ANO10: variants seen among roughly 807,000 people sequenced by gnomAD.
ANO10 encodes anoctamin-10.
ANO10 carries 77 observed loss-of-function variants against 74.7 expected under a neutral mutation model. That is an observed-to-expected ratio of 1.03 (90% CI 0.86 to 1.25). The LOEUF (loss-of-function observed/expected upper bound fraction) is 1.25. Among genes scored for constraint, ANO10 ranks in the 50% most tolerant of loss-of-function variants. The probability of loss-of-function intolerance (pLI) is 0.00; values close to 1 mark genes in which losing one functional copy is unlikely to be tolerated. For synonymous variants in ANO10, 279 were observed against 284.9 expected (o/e 0.98, Z 0.21); for missense variants, 721 against 778.1 (o/e 0.93, Z 0.87).
chr3:43,605,606 T>A, intron 2 of ANO10, 108 bp downstream of exon 2: 2 of 1,430,988 alleles, frequency 1.4e-6, no homozygotes, highest in Non-Finnish European at 1.9e-6. Flanking sequence ...ACGAAAATTA[T>A]AAAACACATT....
intron 11 of ANO10, among the ~76,000 whole-genome samples, chr3:43,504,462 T>C (rs540667183): frequency 6.6e-6 from 1 of 152,060 alleles, no homozygotes; most frequent in African/African-American, 2.4e-5. Flanking sequence ...TAAATAACAA[T>C]TACGAAACAG....
chr3:43,369,252 G>A (rs540937411), intron 12 of ANO10, among the ~76,000 whole-genome samples: 10 of 152,354 alleles, frequency 6.6e-5, no homozygotes, highest in East Asian at 1.9e-4. Flanking sequence ...GAAGGAACTC[G>A]GAACCCACTT....
intron 11 of ANO10, among the ~76,000 whole-genome samples, chr3:43,529,126 T>C (rs2078340928): frequency 6.6e-6 from 1 of 152,154 alleles, no homozygotes; most frequent in Admixed American, 6.5e-5. Flanking sequence ...TATTAAACAC[T>C]TGGTCCTCCA....
intron 12 of ANO10, among the ~76,000 whole-genome samples, chr3:43,422,372 C>T (rs2092833226): frequency 6.6e-6 from 1 of 152,242 alleles, no homozygotes; most frequent in South Asian, 2.1e-4. Context: ...GCCTCAGCCT[C>T]CCAAAGTGCT....
intron 1 of ANO10, among the ~76,000 whole-genome samples, chr3:43,633,104 T>C (rs1188151441): frequency 6.6e-6 from 1 of 152,134 alleles, no homozygotes; most frequent in Non-Finnish European, 1.5e-5. Context: ...TATTTTGAAA[T>C]AAAAAACGTA....
chr3:43,387,060 T>C (rs1029716931), intron 12 of ANO10, among the ~76,000 whole-genome samples: 1 of 152,216 alleles, frequency 6.6e-6, no homozygotes, highest in African/African-American at 2.4e-5. Flanking sequence ...TCAGGCAATT[T>C]TGTTGCACTG....
chr3:43,545,838 A>G (rs2079167253), intron 11 of ANO10, among the ~76,000 whole-genome samples: 2 of 151,844 alleles, frequency 1.3e-5, no homozygotes, highest in Admixed American at 1.3e-4. Flanking sequence ...ATCACCTCAC[A>G]TAGTTACCTT....
chr3:43,417,880 T>C (rs941544339), intron 12 of ANO10, among the ~76,000 whole-genome samples: 1 of 152,220 alleles, frequency 6.6e-6, no homozygotes, highest in Non-Finnish European at 1.5e-5. Context: ...TCTAAGCTTA[T>C]AGTCTATGGT....
chr3:43,449,794 T>C (rs932362756), intron 11 of ANO10, among the ~76,000 whole-genome samples: 2 of 152,202 alleles, frequency 1.3e-5, no homozygotes, highest in African/African-American at 2.4e-5. Flanking sequence ...ACATAAACAA[T>C]AGAATCAGTC....
Position 43,576,762 on chromosome 3 carries a change from G to A in ANO10, c.1092C>T (p.Ile364=), listed in dbSNP as rs2081016380. The A allele has an allele frequency of 6.2e-7, 1 of 1,614,188 alleles. No homozygotes were observed. Among genetic ancestry groups the A allele is most frequent in the South Asian group, 1.1e-5 (1 of 91,084 alleles). Residue 364 remains isoleucine (I), a synonymous_variant, in exon 6 of 13, where the codon ATC becomes ATT. Transcript: ENST00000292246. The stretch of plus-strand genomic sequence containing the variant: ...TGATCTCAATCACAATGGCATAGAT[G>A]ATGCTGGGCACATACAACAGGACAC... ...WTSVLLYVPS[I]IYAIVIEIMN... is the part of the protein sequence containing the mutation.
At chr3:43,603,170 T>C (rs1215073890) in intron 2 of ANO10, among the ~76,000 whole-genome samples, 1 of 152,186 alleles carries the variant, frequency 6.6e-6, no homozygotes, top group Non-Finnish European at 1.5e-5. Flanking sequence ...TACCTATCTA[T>C]AATACAAACC....
chr3:43,656,608 A>C (rs529913091), intron 1 of ANO10, among the ~76,000 whole-genome samples: 1 of 152,226 alleles, frequency 6.6e-6, no homozygotes. Flanking sequence ...GAAATCGAGC[A>C]CAGAGCCGGT....
At chr3:43,603,176 A>C (rs1264854627) in intron 2 of ANO10, among the ~76,000 whole-genome samples, 1 of 152,184 alleles carries the variant, frequency 6.6e-6, no homozygotes. Flanking sequence ...TCTATAATAC[A>C]AACCCCCAAG....
chr3:43,572,125 C>A (rs2080761120), intron 7 of ANO10, among the ~76,000 whole-genome samples: 1 of 152,186 alleles, frequency 6.6e-6, no homozygotes, highest in Non-Finnish European at 1.5e-5. Context: ...ATTTCCCAAC[C>A]CCAACCTACC....
chr3:43,416,544 A>T (rs965591431), intron 12 of ANO10, among the ~76,000 whole-genome samples: 9 of 152,222 alleles, frequency 5.9e-5, no homozygotes, highest in African/African-American at 1.4e-4. Flanking sequence ...AAGGAGGAGA[A>T]GATGTATTTG....
At chr3:43,473,771 T>C (rs926427485) in intron 11 of ANO10, among the ~76,000 whole-genome samples, 11 of 152,286 alleles carry the variant, frequency 7.2e-5, no homozygotes, top group Admixed American at 3.9e-4. Flanking sequence ...CACTTCAACA[T>C]TGAATAAATG....
intron 11 of ANO10, 102 bp downstream of exon 11, chr3:43,549,618 T>A: frequency 7.5e-7 from 1 of 1,328,620 alleles, no homozygotes; most frequent in South Asian, 1.2e-5. Flanking sequence ...AGTAAATCCA[T>A]ATTGCTCAAT....
chr3:43,439,652 G>C (rs1322972400), intron 11 of ANO10, among the ~76,000 whole-genome samples: 3 of 152,022 alleles, frequency 2.0e-5, no homozygotes, highest in Admixed American at 6.6e-5. Flanking sequence ...GGCCCAGGTG[G>C]GTGAATCATT....
chr3:43,642,858 T>C (rs574609181), intron 1 of ANO10, among the ~76,000 whole-genome samples: 8 of 151,504 alleles, frequency 5.3e-5, no homozygotes, highest in African/African-American at 9.7e-5. Context: ...TTTTTTTTTC[T>C]GTGTTTTATG....
Sources: gnomAD v4.1 joint callset for allele counts (sites outside exome capture counted in the v4.1 genomes callset) on GRCh38, gnomAD v4.1.1 for gene constraint, MANE v1.5 for transcripts, NCBI Gene and HGNC (gene_info 2026-07-23, HGNC 2026-07-21) for gene names.